LITAF: variants seen among roughly 807,000 people sequenced by gnomAD.
LITAF encodes the protein lipopolysaccharide induced TNF factor, also known as lipopolysaccharide-induced tumor necrosis factor-alpha factor.
Under a neutral mutation model 14.5 loss-of-function variants are expected in LITAF, and 9 were observed. That is an observed-to-expected ratio of 0.62 (90% CI 0.37 to 1.08). The LOEUF is 1.08. Among genes scored for constraint, LITAF ranks in the 50% least tolerant of loss-of-function variants. The pLI is 0.01. For missense variants in LITAF, 206 were observed against 213.4 expected, an observed-to-expected ratio of 0.97 and a Z score of 0.22; for synonymous variants, 98 against 88.2, an observed-to-expected ratio of 1.11 and a Z score of -0.62.
At chr16:11,576,710 T>G (rs2064642636) in intron 1 of LITAF, among the ~76,000 whole-genome samples, 1 of 152,106 alleles carries the variant, frequency 6.6e-6, no homozygotes, top group Admixed American at 6.6e-5. Context: ...TCTGAGGACT[T>G]GGACACCAGC....
At chr16:11,556,311 A>G (rs1597332387) in intron 2 of LITAF, 200 bp downstream of exon 2, 1 of 599,432 alleles carries the variant, frequency 1.7e-6, no homozygotes, top group South Asian at 2.2e-5. Flanking sequence ...ATCCTAAACC[A>G]TACTTTATTA....
At chr16:11,576,240 G>A (rs928324050) in intron 1 of LITAF, among the ~76,000 whole-genome samples, 10 of 151,990 alleles carry the variant, frequency 6.6e-5, no homozygotes, top group African/African-American at 1.4e-4. Flanking sequence ...AGGCCGAGGC[G>A]GGTGAATCAC....
At chr16:11,573,325 C>A (rs2064574999) in intron 1 of LITAF, among the ~76,000 whole-genome samples, 1 of 152,166 alleles carries the variant, frequency 6.6e-6, no homozygotes, top group South Asian at 2.1e-4. Flanking sequence ...GTTGGTAACA[C>A]ACACAGAGAG....
upstream of LITAF, among the ~76,000 whole-genome samples, chr16:11,592,025 T>C (rs544027621): frequency 6.6e-6 from 1 of 152,234 alleles, no homozygotes; most frequent in Non-Finnish European, 1.5e-5. Context: ...TAAATCTTCA[T>C]GACCTTGGAT....
intron 3 of LITAF, among the ~76,000 whole-genome samples, chr16:11,618,558 C>T (rs2065031053): frequency 6.6e-6 from 1 of 152,168 alleles, no homozygotes; most frequent in Non-Finnish European, 1.5e-5. Context: ...CCCGGGCTTT[C>T]GCTGTGTGCG....
chr16:11,633,352 A>T (rs2065126367), intron 3 of LITAF, among the ~76,000 whole-genome samples: 1 of 152,176 alleles, frequency 6.6e-6, no homozygotes, highest in South Asian at 2.1e-4. Flanking sequence ...GAGGGGTTTG[A>T]ACCAGAGCAA....
intron 3 of LITAF, among the ~76,000 whole-genome samples, chr16:11,624,154 C>A (rs1403790026): frequency 3.9e-5 from 6 of 152,144 alleles, no homozygotes; most frequent in Non-Finnish European, 1.5e-5. Flanking sequence ...TAATTTCTCT[C>A]TCTCCGTCTC....
chr16:11,614,503 T>C (rs764068878), intron 3 of LITAF, among the ~76,000 whole-genome samples: 1 of 152,126 alleles, frequency 6.6e-6, no homozygotes, highest in African/African-American at 2.4e-5. Context: ...TTTCACCATG[T>C]TGGCCAGGCT....
At chr16:11,574,691 G>C (rs957992620) in intron 1 of LITAF, among the ~76,000 whole-genome samples, 1 of 152,114 alleles carries the variant, frequency 6.6e-6, no homozygotes, top group Admixed American at 6.6e-5. Flanking sequence ...TGTTTGCAGA[G>C]TGATTAAAGC....
chr16:11,566,757 A>T (rs2064457039), intron 1 of LITAF, among the ~76,000 whole-genome samples: 1 of 151,022 alleles, frequency 6.6e-6, no homozygotes, highest in African/African-American at 2.4e-5. Context: ...GGGCAGGGGT[A>T]GGGGGGCGCA....
intron 3 of LITAF, among the ~76,000 whole-genome samples, chr16:11,613,071 G>C (rs542221948): frequency 6.6e-6 from 1 of 151,990 alleles, no homozygotes; most frequent in East Asian, 1.9e-4. Context: ...ATGGAGTTTC[G>C]CTCTGTTGCC....
upstream of LITAF, among the ~76,000 whole-genome samples, chr16:11,599,899 G>A (rs370880003): frequency 1.3e-5 from 2 of 152,070 alleles, no homozygotes; most frequent in African/African-American, 4.8e-5. Flanking sequence ...AAACACCACT[G>A]ACCACTCTAT....
At chr16:11,623,186 C>T (rs1403340237) in intron 3 of LITAF, among the ~76,000 whole-genome samples, 1 of 151,494 alleles carries the variant, frequency 6.6e-6, no homozygotes, top group Non-Finnish European at 1.5e-5. Context: ...TGGTCTCGAT[C>T]TCCTGACCTT....
chr16:11,580,420 G>T (rs897415544), intron 1 of LITAF, among the ~76,000 whole-genome samples: 7 of 152,064 alleles, frequency 4.6e-5, no homozygotes, highest in Non-Finnish European at 1.0e-4. Flanking sequence ...ACCACACCCG[G>T]CTAATTTTTG....
chr16:11,578,782 T>A (rs2064684651), intron 1 of LITAF, among the ~76,000 whole-genome samples: 1 of 152,226 alleles, frequency 6.6e-6, no homozygotes, highest in Admixed American at 6.5e-5. Flanking sequence ...ACAACCCTGA[T>A]TTGAGGGAAA....
intron 3 of LITAF, among the ~76,000 whole-genome samples, chr16:11,604,041 C>T (rs1430419559): frequency 6.6e-6 from 1 of 152,008 alleles, no homozygotes; most frequent in African/African-American, 2.4e-5. Flanking sequence ...AGCGAGACTC[C>T]ACTAGAGGCT....
At position 11,626,355 on chromosome 16, in the gene LITAF, T is replaced by A. The variant is rs938883034; in HGVS notation, c.85+7178A>T. Among the ~76,000 whole-genome samples, 57 of 150,432 alleles carry A rather than the reference T, an allele frequency of 3.8e-4. 1 individual carries two copies. The highest frequency in any genetic ancestry group is 1.2e-4 in the Non-Finnish European group (8 of 67,596). The stretch of plus-strand genomic sequence containing the variant: ...CACCATGCTCTGCTAATTTTTGTAA[T>A]TTTTTTTTAAGACAGTCTTGCTCTG... On this transcript the variant is annotated intron_variant, in intron 3 of 3. Coordinates refer to the LITAF transcript ENST00000574848.
intron 1 of LITAF, among the ~76,000 whole-genome samples, chr16:11,576,560 G>T (rs1317467190): frequency 9.6e-6 from 1 of 104,688 alleles, no homozygotes; most frequent in Non-Finnish European, 2.2e-5. Context: ...AAAAAAGAGA[G>T]AGAGAAAGAG....
intron 1 of LITAF, among the ~76,000 whole-genome samples, chr16:11,570,780 C>T (rs923910612): frequency 2.6e-5 from 4 of 151,912 alleles, no homozygotes; most frequent in South Asian, 2.1e-4. Context: ...GGTGTGATAG[C>T]GCACATGTAT....
Sources: gnomAD v4.1 joint callset for allele counts (sites outside exome capture counted in the v4.1 genomes callset) on GRCh38, gnomAD v4.1.1 for gene constraint, MANE v1.5 for transcripts, NCBI Gene and HGNC (gene_info 2026-07-23, HGNC 2026-07-21) for gene names.